The following CLUL1 variants were observed in gnomAD, a reference collection of about 807,000 sequenced individuals.
The protein encoded by CLUL1 is clusterin like 1, also known as clusterin-like protein 1.
A neutral mutation model predicts 49.4 loss-of-function variants in CLUL1; 43 were observed. That is an observed-to-expected ratio of 0.87 (90% confidence interval 0.68 to 1.12). The LOEUF (loss-of-function observed/expected upper bound fraction) is 1.12. CLUL1 is among the 50% of genes most tolerant of loss of function. CLUL1 has a pLI of 0.00. For synonymous variants in CLUL1, 192 were observed against 184.9 expected (o/e 1.04, Z -0.31); for missense variants, 486 against 544.4 (o/e 0.89, Z 1.07).
intron 2 of CLUL1, among the ~76,000 whole-genome samples, chr18:610,067 C>T (rs187264894): frequency 3.6e-5 from 5 of 139,538 alleles, no homozygotes; most frequent in Admixed American, 7.0e-5. Flanking sequence ...AGGGATAGAA[C>T]GATTCATTCC....
At chr18:612,906 T>C (rs1163307945) in intron 2 of CLUL1, 1 of 170,976 alleles carries the variant, frequency 5.8e-6, no homozygotes, top group South Asian at 2.0e-4. Context: ...AGAAGCACTA[T>C]TCTGGGTAAA....
intron 6 of CLUL1, among the ~76,000 whole-genome samples, chr18:630,916 T>G (rs1289169095): frequency 6.6e-6 from 1 of 151,784 alleles, no homozygotes; most frequent in African/African-American, 2.4e-5. Context: ...GAGACCCACT[T>G]CAGACTTCTG....
chr18:610,011 T>C (rs2073085841), intron 2 of CLUL1, among the ~76,000 whole-genome samples: 2 of 152,122 alleles, frequency 1.3e-5, no homozygotes. Context: ...TTGGAACAAC[T>C]TGGCCAATTA....
At position 641,555 on chromosome 18, in the gene CLUL1, C is replaced by T. The variant is rs779374244; in HGVS notation, c.1209+14C>T. On this transcript the variant is annotated intron_variant, in intron 8 of 9. Coordinates refer to ENST00000692774, the MANE Select transcript of CLUL1 (RefSeq NM_001393344.1). Reference sequence around the variant, plus strand: ...AATTCAATACAGGTAAAGGAGAGACCCAAGAGCAGATACGGAAATGACACG... The same window carrying T: ...AATTCAATACAGGTAAAGGAGAGACTCAAGAGCAGATACGGAAATGACACG... The T allele has an allele frequency of 3.7e-6, 6 of 1,604,046 alleles. No individual in the cohort carries two copies. The East Asian group carries it at 1.1e-4, about 30-fold the overall frequency.
Position 641,405 on chromosome 18 carries a change from G to A in CLUL1, c.1073G>A (p.Gly358Asp), listed in dbSNP as rs1475425621. Reference sequence around the variant, plus strand: ...GTCAATGTATCCAATCAGCAGTATGGCCAGATTCTCCAGATGACCCGGAAG... The same window carrying A: ...GTCAATGTATCCAATCAGCAGTATGACCAGATTCTCCAGATGACCCGGAAG... ...RLVNVSNQQY[G>D]QILQMTRKHL... The change falls in exon 8 of 10, where the codon GGC becomes GAC. Residue 358 changes from glycine to aspartate, a missense_variant. By Grantham distance (94) the Gly-to-Asp change is moderately conservative (BLOSUM62 -1). Coordinates refer to ENST00000692774, the MANE Select transcript of CLUL1 (RefSeq NM_001393344.1). 6.2e-7 allele frequency: 1 copy of A among 1,614,144 alleles called. No homozygotes were observed. Among genetic ancestry groups the A allele is most frequent in the Non-Finnish European group, 8.5e-7 (1 of 1,180,018 alleles).
intron 8 of CLUL1, among the ~76,000 whole-genome samples, chr18:642,986 G>C (rs1043019896): frequency 2.0e-5 from 3 of 152,142 alleles, no homozygotes; most frequent in African/African-American, 7.2e-5. Flanking sequence ...CTCAGGCACT[G>C]CTTCTAGGAA....
At chr18:642,205 T>C (rs898752842) in intron 8 of CLUL1, among the ~76,000 whole-genome samples, 2 of 152,042 alleles carry the variant, frequency 1.3e-5, no homozygotes, top group Non-Finnish European at 2.9e-5. Flanking sequence ...CTGAGGTGGG[T>C]GGATCACTTG....
intron 5 of CLUL1, among the ~76,000 whole-genome samples, chr18:626,581 G>A (rs1028909029): frequency 6.6e-6 from 1 of 151,720 alleles, no homozygotes; most frequent in East Asian, 2.0e-4. Flanking sequence ...GTCCAGGGCC[G>A]GGTGCAGTGG....
At chr18:623,474 G>A (rs1338821229) in intron 4 of CLUL1, among the ~76,000 whole-genome samples, 5 of 152,006 alleles carry the variant, frequency 3.3e-5, no homozygotes, top group Admixed American at 2.6e-4. Context: ...GTGAAACTCC[G>A]TCTCTACTAA....
chr18:619,228 G>A lies in CLUL1; in HGVS notation c.122G>A (p.Gly41Glu), dbSNP rs1216899842. 4.3e-6 allele frequency: 7 copies of A among 1,613,172 alleles called. No homozygotes were observed. Among genetic ancestry groups the A allele is most frequent in the Non-Finnish European group, 5.9e-6 (7 of 1,179,766 alleles). ...SENLKSFSEV[G>E]EIDADEEVKK... ...TGTCTTTTAGGTTTTTCTGAGGTGG[G>A]GGAGATAGATGCAGATGAAGAGGTG... is the stretch of plus-strand genomic sequence containing the variant. Residue 41 changes from glycine (G) to glutamate (E), a missense_variant, in exon 4 of 10, where the codon GGG becomes GAG. By Grantham distance (98) the Gly-to-Glu change is moderately conservative. Coordinates refer to ENST00000692774, the MANE Select transcript of CLUL1 (RefSeq NM_001393344.1).
chr18:647,319 A>T (rs1029359139), intron 9 of CLUL1, among the ~76,000 whole-genome samples: 1 of 151,264 alleles, frequency 6.6e-6, no homozygotes, highest in South Asian at 2.1e-4. Flanking sequence ...GGGGCCTTTG[A>T]GTTTCCCTGT....
At chr18:646,772 C>T (rs1237434928) in intron 9 of CLUL1, among the ~76,000 whole-genome samples, 1 of 148,468 alleles carries the variant, frequency 6.7e-6, no homozygotes, top group Admixed American at 6.8e-5. Flanking sequence ...TTTTTTGAGA[C>T]AGAGTCTTGT....
intron 7 of CLUL1, among the ~76,000 whole-genome samples, chr18:640,888 G>A (rs1266479682): frequency 7.3e-5 from 11 of 151,454 alleles, no homozygotes; most frequent in Non-Finnish European, 1.3e-4. Flanking sequence ...TTAATTTAAA[G>A]CGGCTTCACT....
chr18:622,594 A>C (rs2073524422), intron 4 of CLUL1, among the ~76,000 whole-genome samples: 1 of 152,224 alleles, frequency 6.6e-6, no homozygotes, highest in Non-Finnish European at 1.5e-5. Context: ...TGTTTACTAG[A>C]CAGAGGTCTA....
At chr18:640,840 A>G (rs1276302371) in intron 7 of CLUL1, among the ~76,000 whole-genome samples, 2 of 152,056 alleles carry the variant, frequency 1.3e-5, no homozygotes, top group Non-Finnish European at 1.5e-5. Context: ...AACATCACAA[A>G]TCTTTTTTTT....
intron 2 of CLUL1, among the ~76,000 whole-genome samples, chr18:612,031 C>G (rs116038887): frequency 3.1e-3 from 473 of 152,330 alleles, no homozygotes; most frequent in African/African-American, 0.011. Flanking sequence ...CCAGTCCCAT[C>G]TCCAAAATAA....
intron 9 of CLUL1, among the ~76,000 whole-genome samples, chr18:646,180 C>A (rs757403052): frequency 6.6e-6 from 1 of 151,502 alleles, no homozygotes; most frequent in South Asian, 2.1e-4. Flanking sequence ...TCAAAAAATG[C>A]GAGATATAAA....
chr18:616,797 T>A, intron 2 of CLUL1: 1 of 451,064 alleles, frequency 2.2e-6, no homozygotes, highest in Non-Finnish European at 2.9e-6. Flanking sequence ...TTTTGTTTTG[T>A]AAATAGAGTA....
chr18:643,128 A>G (rs866442190), intron 8 of CLUL1, among the ~76,000 whole-genome samples: 5 of 152,050 alleles, frequency 3.3e-5, no homozygotes, highest in African/African-American at 1.2e-4. Context: ...ATTAAAAACC[A>G]TACAAAAAAT....
Sources: gnomAD v4.1 joint callset for allele counts (sites outside exome capture counted in the v4.1 genomes callset) on GRCh38, gnomAD v4.1.1 for gene constraint, MANE v1.5 for transcripts, NCBI Gene and HGNC (gene_info 2026-07-23, HGNC 2026-07-21) for gene names.